The following EYS variants were observed in gnomAD, a reference collection of about 807,000 sequenced individuals.
The protein encoded by EYS is protein eyes shut homolog.
Under a neutral mutation model 282.1 loss-of-function variants are expected in EYS, and 250 were observed. The observed-to-expected ratio is 0.89, with a 90% CI of 0.80 to 0.98. The LOEUF is 0.98. Among genes scored for constraint, EYS ranks in the 50% least tolerant of loss-of-function variants. The pLI is 0.00. For missense variants in EYS, 4,016 were observed against 3,709.0 expected, an observed-to-expected ratio of 1.08 and a Z score of -2.15; for synonymous variants, 1,355 against 1,282.9, an observed-to-expected ratio of 1.06 and a Z score of -1.20.
chr6:64,198,586 C>A lies in EYS; in HGVS notation c.6424+32006G>T, dbSNP rs142453055. Among the ~76,000 whole-genome samples the A allele has an allele frequency of 1.7e-3, 257 of 151,836 alleles. 2 individuals carry two copies. The highest frequency in any genetic ancestry group is 0.014 in the South Asian group (66 of 4,822). On this transcript the variant is annotated intron_variant, in intron 31 of 42. Transcript: ENST00000503581. The stretch of plus-strand genomic sequence containing the variant: ...GTGAGAACATGTGGTGTTTGGTTTT[C>A]TGTTCCTGTGTTAGTTTGCTGAGAA...
chr6:64,183,346 C>T (rs1292257029), intron 31 of EYS, among the ~76,000 whole-genome samples: 2 of 152,196 alleles, frequency 1.3e-5, no homozygotes, highest in African/African-American at 2.4e-5. Flanking sequence ...TAGTGCCCTA[C>T]TCATGTGTGT....
At chr6:64,428,899 C>CTGGGTACTGTATGTGGGTA (rs1774496603) in intron 28 of EYS, among the ~76,000 whole-genome samples, 1 of 151,938 alleles carries the variant, frequency 6.6e-6, no homozygotes, top group African/African-American at 2.4e-5. Context: ...CAATAGCTTC[C>CTGGGTACTGTATGTGGGTA]CAGTAATTCC....
chr6:63,863,676 T>TTTTC (rs1234597773), intron 36 of EYS, among the ~76,000 whole-genome samples: 3,596 of 55,454 alleles, frequency 0.065, 105 homozygotes, highest in East Asian at 0.18. Context: ...TTCTTTTTTC[T>TTTTC]TTTTTTTTTT....
chr6:63,960,959 C>T (rs1039878256), intron 35 of EYS, among the ~76,000 whole-genome samples: 5 of 152,140 alleles, frequency 3.3e-5, no homozygotes, highest in Non-Finnish European at 7.3e-5. Flanking sequence ...CTGTAAATAA[C>T]CTCATCCAAA....
chr6:64,519,686 G>T (rs546002767), intron 26 of EYS, among the ~76,000 whole-genome samples: 1 of 151,758 alleles, frequency 6.6e-6, no homozygotes, highest in Non-Finnish European at 1.5e-5. Context: ...GATGTGAAAA[G>T]GTTAACATCA....
intron 31 of EYS, among the ~76,000 whole-genome samples, chr6:64,195,345 C>G (rs185358483): frequency 6.6e-6 from 1 of 152,146 alleles, no homozygotes; most frequent in Admixed American, 6.5e-5. Context: ...TACTGTCACC[C>G]AGGCTGGTGT....
At chr6:65,323,432 A>T (rs1300124719) in intron 11 of EYS, among the ~76,000 whole-genome samples, 1 of 152,176 alleles carries the variant, frequency 6.6e-6, no homozygotes, top group Non-Finnish European at 1.5e-5. Context: ...TACTCTGAAG[A>T]CAAGGTGTTC....
At chr6:63,881,114 A>G (rs978581148) in intron 35 of EYS, among the ~76,000 whole-genome samples, 1 of 152,302 alleles carries the variant, frequency 6.6e-6, no homozygotes, top group East Asian at 1.9e-4. Flanking sequence ...AATAGTTTCA[A>G]TTAGTTTATT....
At chr6:64,409,846 A>T (rs1457014116) in intron 28 of EYS, among the ~76,000 whole-genome samples, 4 of 151,972 alleles carry the variant, frequency 2.6e-5, no homozygotes, top group Non-Finnish European at 5.9e-5. Context: ...ATAAATCTAA[A>T]TTTTTTTAAA....
rs1409491043 is a variant in EYS, at chr6:65,182,607, A to C, written c.2023+113256T>G. Among the ~76,000 whole-genome samples, 3 of 151,908 alleles carry C rather than the reference A, an allele frequency of 2.0e-5. No homozygotes were observed. The East Asian group carries it at 5.8e-4, about 30-fold the overall frequency. ...ATATTATTAAAACACACACTCAATC[A>C]TAATTTAAATGCTAATCCTCACAAA... On this transcript the variant is annotated intron_variant, in intron 12 of 42. Coordinates refer to ENST00000503581, the MANE Select transcript of EYS (RefSeq NM_001142800.2).
chr6:64,200,815 A>G (rs1765439608), intron 31 of EYS, among the ~76,000 whole-genome samples: 1 of 152,158 alleles, frequency 6.6e-6, no homozygotes, highest in Non-Finnish European at 1.5e-5. Context: ...AAAATTATAT[A>G]AACATTAGTC....
At chr6:64,419,749 C>T (rs1268328563) in intron 28 of EYS, among the ~76,000 whole-genome samples, 1 of 152,230 alleles carries the variant, frequency 6.6e-6, no homozygotes, top group African/African-American at 2.4e-5. Context: ...CTCCCACAGC[C>T]TTGGGCAGCA....
At chr6:65,187,353 C>T (rs535231476) in intron 12 of EYS, among the ~76,000 whole-genome samples, 1 of 151,726 alleles carries the variant, frequency 6.6e-6, no homozygotes, top group East Asian at 2.0e-4. Context: ...TTTCTTCTTA[C>T]AGTTTTTTAA....
chr6:65,384,130 T>A (rs1562140388), intron 8 of EYS, among the ~76,000 whole-genome samples: 1 of 151,862 alleles, frequency 6.6e-6, no homozygotes, highest in Non-Finnish European at 1.5e-5. Context: ...TACTAAGAAG[T>A]ATATCACCAG....
intron 28 of EYS, among the ~76,000 whole-genome samples, chr6:64,435,672 T>G (rs1774719109): frequency 6.6e-6 from 1 of 151,898 alleles, no homozygotes; most frequent in African/African-American, 2.4e-5. Context: ...AGGAAAAGTT[T>G]ACTTATCAGA....
At chr6:64,860,027 AG>A (rs1348277293) in intron 19 of EYS, among the ~76,000 whole-genome samples, 1 of 152,178 alleles carries the variant, frequency 6.6e-6, no homozygotes, top group Non-Finnish European at 1.5e-5. Flanking sequence ...TATTTGTGGC[AG>A]TTTTTCTTTG....
chr6:65,690,028 G>A lies in EYS; in HGVS notation c.-448+17107C>T. ...GCGGGTAGGTTAGTGAGGGATTTAG[G>A]GTCATTTCATTATGAGGTGAGATGG... On this transcript the variant is annotated intron_variant, in intron 1 of 42. Coordinates refer to ENST00000503581, the MANE Select transcript of EYS (RefSeq NM_001142800.2). Among the ~76,000 whole-genome samples, 2 of 149,798 alleles carry A rather than the reference G, an allele frequency of 1.3e-5. 1 individual carries two copies. Among genetic ancestry groups the A allele is most frequent in the Non-Finnish European group, 3.0e-5 (2 of 67,648 alleles).
At chr6:65,475,756 GACACACACAC>G (rs545961939) in intron 5 of EYS, among the ~76,000 whole-genome samples, 9 of 145,902 alleles carry the variant, frequency 6.2e-5, no homozygotes, top group African/African-American at 1.6e-4. Flanking sequence ...CAGACAGACA[GACACACACAC>G]ACACACACAC....
chr6:65,375,156 G>A, intron 8 of EYS, among the ~76,000 whole-genome samples: 1 of 152,156 alleles, frequency 6.6e-6, no homozygotes, highest in Non-Finnish European at 1.5e-5. Context: ...TCTGGTGGGT[G>A]CCCCTCTGGG....
Sources: gnomAD v4.1 joint callset for allele counts (sites outside exome capture counted in the v4.1 genomes callset) on GRCh38, gnomAD v4.1.1 for gene constraint, MANE v1.5 for transcripts, NCBI Gene and HGNC (gene_info 2026-07-23, HGNC 2026-07-21) for gene names.